The following VPS4A variants were observed in gnomAD, a reference collection of about 807,000 sequenced individuals.
VPS4A encodes the protein vacuolar protein sorting-associated protein 4A.
VPS4A carries 20 observed loss-of-function variants against 52.3 expected under a neutral mutation model. The ratio of observed to expected loss-of-function variants is 0.38; its 90% CI spans 0.27 to 0.56. VPS4A has a LOEUF of 0.56. Ranked by LOEUF, VPS4A falls within the 20% of genes least tolerant of loss-of-function variation. The pLI, the probability that VPS4A is intolerant of heterozygous loss-of-function variation, is 0.72. For missense variants in VPS4A, 419 were observed against 575.9 expected, an observed-to-expected ratio of 0.73 and a Z score of 2.79; for synonymous variants, 293 against 227.7, an observed-to-expected ratio of 1.29 and a Z score of -2.58.
chr16:69,312,519 G>A (rs1567421433), intron 1 of VPS4A, among the ~76,000 whole-genome samples: 2 of 152,288 alleles, frequency 1.3e-5, no homozygotes, highest in African/African-American at 4.8e-5. Context: ...AGCAGAAGCC[G>A]CAGATCCCGT....
Position 69,320,299 on chromosome 16 carries a change from G to C in VPS4A, c.769+10G>C, listed in dbSNP as rs377630172. On this transcript the variant is annotated intron_variant, in intron 7 of 10. Coordinates refer to ENST00000254950, the MANE Select transcript of VPS4A (RefSeq NM_013245.3). The surrounding 1 kb of genome is among the most constrained non-coding windows in gnomAD (Gnocchi z 4.2). ...TTGGTCCAGATGCAGGGTGTGTGCC[G>C]GGCCCAGGGCCCCCTTGGTTCTTGT... 4.3e-6 allele frequency: 7 copies of C among 1,609,764 alleles called. No homozygotes were observed. The highest frequency in any genetic ancestry group is 2.2e-5 in the South Asian group (2 of 91,014).
In VPS4A at chr16:69,318,857, G is replaced by A; in HGVS notation, c.378G>A (p.Trp126Ter). The A allele has an allele frequency of 6.2e-7, 1 of 1,613,630 alleles. No homozygotes were observed. Among genetic ancestry groups the A allele is most frequent in the Non-Finnish European group, 8.5e-7 (1 of 1,179,754 alleles). Residue 126 changes from tryptophan (W) to a stop codon, truncating the protein, a stop_gained, in exon 5 of 11, where the codon TGG becomes TGA. Coordinates refer to ENST00000254950, the MANE Select transcript of VPS4A (RefSeq NM_013245.3). LOFTEE classifies it high-confidence loss of function. ...TGATGGAGAAGCCCAACATACGGTG[G>A]AACGACGTGGCCGGGCTGGAGGGGG... Reference protein sequence around the residue: ...AVVMEKPNIRWNDVAGLEGAK... With the variant: ...AVVMEKPNIR
In VPS4A at chr16:69,321,599, A is replaced by G. The variant is rs1965512928; in HGVS notation, c.1071+329A>G. The stretch of plus-strand genomic sequence containing the variant: ...GTGTTTGGAAAGTGTTGGATATAAA[A>G]TGACCAGGAAGACCTGTCTATTCAT... On this transcript the variant is annotated intron_variant, in intron 9 of 10. Transcript: ENST00000254950. The surrounding 1 kb of genome is among the most constrained non-coding windows in gnomAD (Gnocchi z 4.5). 2.9e-6 allele frequency: 1 copy of G among 345,766 alleles called. No individual in the cohort carries two copies. The highest frequency in any genetic ancestry group is 3.3e-5 in the South Asian group (1 of 30,396). 21.4% of individuals were successfully genotyped at this position (345,766 alleles called of 1,614,324 possible).
intron 9 of VPS4A, 166 bp from the exon 10 acceptor site, chr16:69,322,394 A>C: frequency 1.6e-6 from 1 of 622,872 alleles, no homozygotes. Context: ...TCCCATGCAA[A>C]TCATGAGTCG....
chr16:69,324,289 G>A lies in VPS4A; in HGVS notation c.1294G>A (p.Asp432Asn). ...DLLKVKKFSE[D>N]FGQES ...CCTGAAAGTGAAGAAATTCTCAGAGGACTTTGGGCAAGAGAGTTAAAAGCT... is the reference window on the plus strand; with the variant it reads ...CCTGAAAGTGAAGAAATTCTCAGAGAACTTTGGGCAAGAGAGTTAAAAGCT... The change falls in exon 11 of 11, where the codon GAC becomes AAC. Residue 432 changes from aspartate (D) to asparagine (N), a missense_variant. By Grantham distance (23) the Asp-to-Asn change is conservative. Coordinates refer to ENST00000254950, the MANE Select transcript of VPS4A (RefSeq NM_013245.3). 1 of 1,613,868 alleles carries A rather than the reference G, an allele frequency of 6.2e-7. No homozygotes were observed. Among genetic ancestry groups the A allele is most frequent in the Admixed American group, 1.7e-5 (1 of 60,010 alleles).
In VPS4A at chr16:69,322,797, T is replaced by C. The variant is rs1419503706; in HGVS notation, c.1212+97T>C. 5 of 1,471,752 alleles carry C rather than the reference T, an allele frequency of 3.4e-6. 1 individual carries two copies. In the South Asian group the frequency reaches 4.2e-5, roughly 12 times the overall value. The allele number at this position is 1,471,752 out of a possible 1,614,324, so 91.2% of individuals were successfully genotyped here. ...AAAACGGTCTTCTCCAGGCCAGGCA[T>C]GGTAGCTCACGCCTGTAATCCCAGC... On this transcript the variant is annotated intron_variant, in intron 10 of 10. Transcript: ENST00000254950.
intron 1 of VPS4A, 74 bp from the exon 2 acceptor site, chr16:69,315,934 A>T: frequency 1.5e-6 from 2 of 1,305,396 alleles, no homozygotes; most frequent in Non-Finnish European, 2.2e-6. Flanking sequence ...GTCACGTTTC[A>T]TCCCCATGCC....
rs1965496527 is a variant in VPS4A, at chr16:69,320,427, G to A, written c.769+138G>A. 1.5e-6 allele frequency: 2 copies of A among 1,294,712 alleles called. No homozygotes were observed. The highest frequency in any genetic ancestry group is 2.1e-6 in the Non-Finnish European group (2 of 951,388). The allele number at this position is 1,294,712 out of a possible 1,614,324, so 80.2% of individuals were successfully genotyped here. A position where few individuals can be genotyped will look rare whatever the true frequency, so the allele number is the denominator to read the frequency against. On this transcript the variant is annotated intron_variant, in intron 7 of 10. Coordinates refer to ENST00000254950, the MANE Select transcript of VPS4A (RefSeq NM_013245.3). The surrounding 1 kb of genome is among the most constrained non-coding windows in gnomAD (Gnocchi z 4.2). ...CCAGCTCCAGCCCCTCAGGGCACGGGTGGACTTCAATTCCCAAGAGGTGCC... is the reference window on the plus strand; with the variant it reads ...CCAGCTCCAGCCCCTCAGGGCACGGATGGACTTCAATTCCCAAGAGGTGCC...
In VPS4A at chr16:69,325,732, C is replaced by CA. The variant is rs765941939; in HGVS notation, c.*1438dup. 0.28 allele frequency: 30,210 copies of CA among 109,430 alleles called. 3,436 individuals are homozygous for CA. Among genetic ancestry groups the CA allele is most frequent in the Middle Eastern group, 0.32 (71 of 222 alleles). The allele number at this position is 109,430 out of a possible 1,614,324, so 6.8% of individuals were successfully genotyped here. On this transcript the variant is annotated 3_prime_UTR_variant, in exon 11 of 11. Coordinates refer to ENST00000254950, the MANE Select transcript of VPS4A (RefSeq NM_013245.3). Reference sequence around the variant, plus strand: ...TGGGCGACAGAGCAAGACTCTGTCTCAAAAAAAAAAAAAAAGTCGAGAGTT... The same window carrying CA: ...TGGGCGACAGAGCAAGACTCTGTCTCAAAAAAAAAAAAAAAAGTCGAGAGTT...
chr16:69,319,998 T>G lies in VPS4A; in HGVS notation c.621-143T>G, dbSNP rs764673494. ...TCTTGGTGCAGTGTGGCCCGAGGGCTCCTCACCACCACGTTTTCCGCAATT... is the reference window on the plus strand; with the variant it reads ...TCTTGGTGCAGTGTGGCCCGAGGGCGCCTCACCACCACGTTTTCCGCAATT... On this transcript the variant is annotated intron_variant, in intron 6 of 10. Transcript: ENST00000254950. 5.5e-4 allele frequency: 626 copies of G among 1,142,448 alleles called. 1 individual carries two copies. Among genetic ancestry groups the G allele is most frequent in the Non-Finnish European group, 6.9e-4 (569 of 819,952 alleles). The allele number at this position is 1,142,448 out of a possible 1,614,324, so 70.8% of individuals were successfully genotyped here. A position where few individuals can be genotyped will look rare whatever the true frequency, so the allele number is the denominator to read the frequency against.
At chr16:69,312,857 C>T (rs1303845011) in intron 1 of VPS4A, among the ~76,000 whole-genome samples, 1 of 151,736 alleles carries the variant, frequency 6.6e-6, no homozygotes, top group Non-Finnish European at 1.5e-5. Flanking sequence ...AGATGATCTG[C>T]CCACTTCGGC....
chr16:69,315,428 A>C (rs536326208), intron 1 of VPS4A, among the ~76,000 whole-genome samples: 32 of 152,298 alleles, frequency 2.1e-4, no homozygotes, highest in Non-Finnish European at 8.8e-5. Flanking sequence ...CCAGGGTGTC[A>C]CTTTAGACAG....
intron 6 of VPS4A, 143 bp downstream of exon 6, chr16:69,319,686 G>C (rs1416415499): frequency 8.7e-7 from 1 of 1,149,938 alleles, no homozygotes; most frequent in East Asian, 2.6e-5. Context: ...TAGCTTATCG[G>C]CTGGGACACA....
In VPS4A at chr16:69,321,279, C is replaced by CCG; in HGVS notation, c.1071+12_1071+13dup. 6.5e-7 allele frequency: 1 copy of CCG among 1,549,988 alleles called. No homozygotes were observed. The highest frequency in any genetic ancestry group is 8.7e-7 in the Non-Finnish European group (1 of 1,146,524). Reference sequence around the variant, plus strand: ...CCACACACTTCAAAAAGGTGAGTGCCCGCGGCCACTGCTGAGAAAAATCTC... The same window carrying CCG: ...CCACACACTTCAAAAAGGTGAGTGCCCGCGCGGCCACTGCTGAGAAAAATCTC... On this transcript the variant is annotated intron_variant, in intron 9 of 10. Coordinates refer to ENST00000254950, the MANE Select transcript of VPS4A (RefSeq NM_013245.3). The surrounding 1 kb of genome is among the most constrained non-coding windows in gnomAD (Gnocchi z 4.5).
At chr16:69,318,476 T>C (rs1280692817) in intron 3 of VPS4A, among the ~76,000 whole-genome samples, 174 bp from the exon 4 acceptor site, 1 of 152,252 alleles carries the variant, frequency 6.6e-6, no homozygotes, top group Admixed American at 6.5e-5. Context: ...AGTGAGCTGC[T>C]GAGAGCATTG....
intron 1 of VPS4A, among the ~76,000 whole-genome samples, chr16:69,311,741 T>TGCTGG (rs913649818): frequency 1.8e-4 from 27 of 152,226 alleles, no homozygotes; most frequent in Middle Eastern, 3.4e-3. Context: ...CTTCCGGCCC[T>TGCTGG]GCCCGGCTGG....
Position 69,321,034 on chromosome 16 carries a change from T to A in VPS4A, c.852-17T>A. 1 of 1,563,014 alleles carries A rather than the reference T, an allele frequency of 6.4e-7. No individual in the cohort carries two copies. The highest frequency in any genetic ancestry group is 8.7e-7 in the Non-Finnish European group (1 of 1,152,456). ...CATCATCCGCTGTCAACTCCTGCCG[T>A]GTGCTGGGCTCTCTAGGTTTGAAAA... On this transcript the variant is annotated splice_polypyrimidine_tract_variant and intron_variant, in intron 8 of 10. Transcript: ENST00000254950. This position sits in a 1 kb window ranked among gnomAD's most constrained non-coding sequence, Gnocchi z 4.5.
Position 69,323,522 on chromosome 16 carries a change from T to C in VPS4A, c.1213-686T>C, listed in dbSNP as rs1186130707. 1.0e-5 allele frequency: 4 copies of C among 397,878 alleles called. No homozygotes were observed. In the East Asian group the frequency reaches 3.0e-4, roughly 29 times the overall value. The allele number at this position is 397,878 out of a possible 1,614,324, so 24.6% of individuals were successfully genotyped here. A position where few individuals can be genotyped will look rare whatever the true frequency, so the allele number is the denominator to read the frequency against. On this transcript the variant is annotated intron_variant, in intron 10 of 10. Transcript: ENST00000254950. Reference sequence around the variant, plus strand: ...TATGACGTCAATCCATGGGTTTGGCTTTGCGGTGCAGTGAGGCAGTGAATG... The same window carrying C: ...TATGACGTCAATCCATGGGTTTGGCCTTGCGGTGCAGTGAGGCAGTGAATG...
At chr16:69,322,889 G>A in intron 10 of VPS4A, 189 bp downstream of exon 10, 1 of 530,370 alleles carries the variant, frequency 1.9e-6, no homozygotes, top group East Asian at 3.8e-5. Context: ...CCAATATGGA[G>A]AAACCCTGTC....
Sources: gnomAD v4.1 joint callset for allele counts (sites outside exome capture counted in the v4.1 genomes callset) on GRCh38, gnomAD v4.1.1 for gene constraint, Gnocchi (gnomAD v3.1) non-coding constraint, MANE v1.5 for transcripts, NCBI Gene and HGNC (gene_info 2026-07-23, HGNC 2026-07-21) for gene names.